TRHDE: variants seen among roughly 807,000 people sequenced by gnomAD.
TRHDE encodes thyrotropin releasing hormone degrading enzyme, also known as thyrotropin-releasing hormone-degrading ectoenzyme.
TRHDE carries 72 observed loss-of-function variants against 125.7 expected under a neutral mutation model. The observed-to-expected ratio is 0.57, with a 90% CI of 0.47 to 0.70. The LOEUF (loss-of-function observed/expected upper bound fraction) is 0.70, where lower values mean the gene tolerates loss of function less well. TRHDE is among the 30% of genes least tolerant of loss of function. The pLI is 0.00. For missense variants in TRHDE, 1,110 were observed against 1,327.1 expected (o/e 0.84, Z 2.54); for synonymous variants, 509 against 509.1 (o/e 1.00, Z 0.00).
chr12:72,211,988 G>A (rs1457202431), intron 2 of TRHDE, among the ~76,000 whole-genome samples: 1 of 152,040 alleles, frequency 6.6e-6, no homozygotes, highest in African/African-American at 2.4e-5. Flanking sequence ...TGTGCATTAT[G>A]TAATCCCACT....
intron 6 of TRHDE, among the ~76,000 whole-genome samples, chr12:72,537,644 C>A (rs761107526): frequency 6.6e-6 from 1 of 152,054 alleles, no homozygotes; most frequent in African/African-American, 2.4e-5. Context: ...TTTTCTACAC[C>A]TTTCCACGTC....
chr12:72,471,722 G>A (rs1876658595), intron 4 of TRHDE, among the ~76,000 whole-genome samples: 1 of 152,072 alleles, frequency 6.6e-6, no homozygotes, highest in Non-Finnish European at 1.5e-5. Context: ...TTACTTTGTG[G>A]TCCTCAACAT....
chr12:72,663,219 A>T lies in TRHDE; in HGVS notation c.*24A>T. 6.5e-7 allele frequency: 1 copy of T among 1,550,184 alleles called. No individual in the cohort carries two copies. The highest frequency in any genetic ancestry group is 8.7e-7 in the Non-Finnish European group (1 of 1,143,980). ...AATATATGTATCTTATAAACAAACA[A>T]TTCAACTCAGAAGTTTATGAGAAGA... is the stretch of plus-strand genomic sequence containing the variant. On this transcript the variant is annotated 3_prime_UTR_variant, in exon 19 of 19. Transcript: ENST00000261180.
At chr12:72,518,481 A>T (rs1344477425) in intron 6 of TRHDE, among the ~76,000 whole-genome samples, 30 of 151,770 alleles carry the variant, frequency 2.0e-4, no homozygotes, top group African/African-American at 2.7e-4. Context: ...TGCCTTTTTT[A>T]GTTTTCCATT....
At chr12:72,195,967 A>G (rs1252619317) in intron 2 of TRHDE, among the ~76,000 whole-genome samples, 3 of 152,144 alleles carry the variant, frequency 2.0e-5, no homozygotes, top group Non-Finnish European at 4.4e-5. Context: ...TCCAAGCACC[A>G]TTTATTGAAT....
intron 2 of TRHDE, among the ~76,000 whole-genome samples, chr12:72,207,122 T>G (rs1218619441): frequency 6.6e-6 from 1 of 152,220 alleles, no homozygotes; most frequent in African/African-American, 2.4e-5. Flanking sequence ...GGACATCTGC[T>G]CATACTTCAT....
chr12:72,461,439 T>C (rs181090597), intron 3 of TRHDE, among the ~76,000 whole-genome samples: 1 of 152,266 alleles, frequency 6.6e-6, no homozygotes, highest in East Asian at 1.9e-4. Context: ...TAAATATTAG[T>C]TATGGGTTAC....
chr12:72,199,671 A>T (rs1308631567), intron 2 of TRHDE, among the ~76,000 whole-genome samples: 2 of 152,182 alleles, frequency 1.3e-5, no homozygotes, highest in Non-Finnish European at 2.9e-5. Context: ...AAGGAAGATA[A>T]AGACATAGTA....
At chr12:72,368,169 C>T (rs1029888983) in intron 2 of TRHDE, among the ~76,000 whole-genome samples, 3 of 151,968 alleles carry the variant, frequency 2.0e-5, no homozygotes, top group African/African-American at 4.8e-5. Context: ...CCCTTGAAAT[C>T]GAATCAATGA....
chr12:72,411,160 G>A (rs771509248), intron 3 of TRHDE, among the ~76,000 whole-genome samples: 50 of 143,056 alleles, frequency 3.5e-4, no homozygotes, highest in Admixed American at 8.8e-4. Context: ...CCGAGATTGC[G>A]CCACTGCACT....
At chr12:72,146,304 CTCTCT>C (rs1196400229) in intron 2 of TRHDE, among the ~76,000 whole-genome samples, 1 of 152,162 alleles carries the variant, frequency 6.6e-6, no homozygotes, top group Non-Finnish European at 1.5e-5. Flanking sequence ...CTTGCAGAAA[CTCTCT>C]TCTCTAGCTA....
At chr12:72,224,604 A>T (rs1878086140) in intron 2 of TRHDE, among the ~76,000 whole-genome samples, 1 of 152,096 alleles carries the variant, frequency 6.6e-6, no homozygotes, top group Non-Finnish European at 1.5e-5. Context: ...CTGCATCCTT[A>T]TGAAAGAGGT....
intron 12 of TRHDE, among the ~76,000 whole-genome samples, chr12:72,603,243 AG>A (rs1290813812): frequency 2.6e-5 from 4 of 152,198 alleles, no homozygotes; most frequent in African/African-American, 9.7e-5. Flanking sequence ...GCAAATGGAA[AG>A]TAAGCTGGAG....
Position 72,642,281 on chromosome 12 carries a change from C to T in TRHDE, c.2676-10041C>T, listed in dbSNP as rs558401657. Among the ~76,000 whole-genome samples the T allele has an allele frequency of 2.6e-5, 4 of 152,236 alleles. No homozygotes were observed. In the South Asian group the frequency reaches 8.3e-4, roughly 32 times the overall value. On this transcript the variant is annotated intron_variant, in intron 15 of 18. Coordinates refer to ENST00000261180, the MANE Select transcript of TRHDE (RefSeq NM_013381.3). ...ATGCATGTCTTTATTTTTCTACCTACTTAATTTTTTCACTTTTACTTCTAA... is the reference window on the plus strand; with the variant it reads ...ATGCATGTCTTTATTTTTCTACCTATTTAATTTTTTCACTTTTACTTCTAA...
intron 6 of TRHDE, among the ~76,000 whole-genome samples, chr12:72,540,934 T>C (rs1869115578): frequency 6.6e-6 from 1 of 151,674 alleles, no homozygotes; most frequent in African/African-American, 2.4e-5. Flanking sequence ...TTGGTGGTGG[T>C]TGAAATTTTT....
At chr12:72,125,241 G>C (rs1286400769) in intron 2 of TRHDE, among the ~76,000 whole-genome samples, 5 of 152,086 alleles carry the variant, frequency 3.3e-5, no homozygotes, top group African/African-American at 1.2e-4. Flanking sequence ...TGTATAGAGA[G>C]TTTTGTTTCT....
At chr12:72,218,626 T>C (rs961342804) in intron 2 of TRHDE, among the ~76,000 whole-genome samples, 19 of 152,218 alleles carry the variant, frequency 1.2e-4, no homozygotes, top group Admixed American at 4.6e-4. Flanking sequence ...CTAAGGGGGA[T>C]GCATCTCAGC....
chr12:72,608,613 A>G (rs1046922584), intron 12 of TRHDE, among the ~76,000 whole-genome samples: 8 of 152,202 alleles, frequency 5.3e-5, no homozygotes, highest in Non-Finnish European at 1.2e-4. Context: ...AATGTGGCCA[A>G]AAAATGGCCA....
At chr12:72,538,726 T>C (rs2135983807) in intron 6 of TRHDE, among the ~76,000 whole-genome samples, 1 of 152,098 alleles carries the variant, frequency 6.6e-6, no homozygotes, top group African/African-American at 2.4e-5. Context: ...ATTCTGTATA[T>C]CTGCTAATGT....
Sources: gnomAD v4.1 joint callset for allele counts (sites outside exome capture counted in the v4.1 genomes callset) on GRCh38, gnomAD v4.1.1 for gene constraint, MANE v1.5 for transcripts, NCBI Gene and HGNC (gene_info 2026-07-23, HGNC 2026-07-21) for gene names.